MMP26: variants seen among roughly 807,000 people sequenced by gnomAD.
MMP26 encodes matrix metallopeptidase 26.
A neutral mutation model predicts 31.0 loss-of-function variants in MMP26; 33 were observed. The ratio of observed to expected loss-of-function variants is 1.06; its 90% CI spans 0.81 to 1.42. The LOEUF (loss-of-function observed/expected upper bound fraction) is 1.42, where lower values mean the gene tolerates loss of function less well. Among genes scored for constraint, MMP26 ranks in the 40% most tolerant of loss-of-function variants. The pLI, the probability that MMP26 is intolerant of heterozygous loss-of-function variation, is 0.00. For synonymous variants in MMP26, 122 were observed against 114.9 expected (o/e 1.06, Z -0.40); for missense variants, 347 against 316.1 (o/e 1.10, Z -0.74).
At chr11:4,816,612 A>AAAT (rs758264246) in intron 2 of MMP26, among the ~76,000 whole-genome samples, 25 of 150,058 alleles carry the variant, frequency 1.7e-4, no homozygotes, top group Non-Finnish European at 2.8e-4. Context: ...CTATGGTCCA[A>AAAT]AACAAAAAAA....
intron 1 of MMP26, among the ~76,000 whole-genome samples, chr11:4,748,009 G>C (rs186176203): frequency 6.6e-6 from 1 of 151,958 alleles, no homozygotes; most frequent in Admixed American, 6.6e-5. Context: ...AAAATTAAAA[G>C]GTGGTTCTTT....
At chr11:4,868,013 C>T (rs989596386) in intron 2 of MMP26, among the ~76,000 whole-genome samples, 15 of 152,076 alleles carry the variant, frequency 9.9e-5, no homozygotes, top group Non-Finnish European at 2.9e-5. Flanking sequence ...TACTGATAGA[C>T]TGGATAAAGA....
At chr11:4,968,877 T>C (rs775473354) in intron 2 of MMP26, among the ~76,000 whole-genome samples, 1 of 152,150 alleles carries the variant, frequency 6.6e-6, no homozygotes, top group Non-Finnish European at 1.5e-5. Flanking sequence ...CATTCAGGAA[T>C]ACCCAGTCAT....
In MMP26 at chr11:4,763,845, T is replaced by C. The variant is rs148211952; in HGVS notation, c.-216-3425T>C. ...CACAGATTAATAATTATTAGTTATC[T>C]TAAAGTTTAATAGTATGTAGCACTA... is the stretch of plus-strand genomic sequence containing the variant. On this transcript the variant is annotated intron_variant, in intron 1 of 7. Coordinates refer to ENST00000380390, the MANE Select transcript of MMP26 (RefSeq NM_021801.5). Among the ~76,000 whole-genome samples, 12 of 152,312 alleles carry C rather than the reference T, an allele frequency of 7.9e-5. No individual in the cohort carries two copies. In the East Asian group the frequency reaches 2.3e-3, roughly 29 times the overall value.
At chr11:4,822,481 C>T (rs1013048742) in intron 2 of MMP26, 20 of 1,054,558 alleles carry the variant, frequency 1.9e-5, no homozygotes, top group Non-Finnish European at 2.4e-5. Context: ...CCAAACTAAG[C>T]AATTTATAGG....
At chr11:4,895,898 C>T (rs978869235) in intron 2 of MMP26, among the ~76,000 whole-genome samples, 3 of 152,184 alleles carry the variant, frequency 2.0e-5, no homozygotes, top group African/African-American at 7.2e-5. Context: ...GGCTGAGTGA[C>T]ACAGTGAGAC....
At chr11:4,876,324 G>A (rs1424934314) in intron 2 of MMP26, 1 of 152,024 alleles carries the variant, frequency 6.6e-6, no homozygotes, top group Non-Finnish European at 1.5e-5. Flanking sequence ...TTTTTTGTTT[G>A]TTTCTCTTTC....
At chr11:4,977,974 T>C (rs1346531412) in intron 2 of MMP26, among the ~76,000 whole-genome samples, 1 of 151,988 alleles carries the variant, frequency 6.6e-6, no homozygotes, top group Non-Finnish European at 1.5e-5. Flanking sequence ...AAAGACCTGG[T>C]GGGAGGTGAC....
At chr11:4,859,931 C>A (rs994641712) in intron 2 of MMP26, 3 of 470,914 alleles carry the variant, frequency 6.4e-6, no homozygotes, top group African/African-American at 6.0e-5. Context: ...AGGAGAACAT[C>A]GAGCCCCAGT....
chr11:4,979,031 T>C lies in MMP26; in HGVS notation c.-144-9037T>C, dbSNP rs917079008. Among the ~76,000 whole-genome samples, 30 of 152,114 alleles carry C rather than the reference T, an allele frequency of 2.0e-4. 1 individual carries two copies. The highest frequency in any genetic ancestry group is 8.8e-5 in the Non-Finnish European group (6 of 67,986). Reference sequence around the variant, plus strand: ...TATATAGGAAAGAGTATATGACTTGTGAGTCCTGTCACAAAATATAGAATT... The same window carrying C: ...TATATAGGAAAGAGTATATGACTTGCGAGTCCTGTCACAAAATATAGAATT... On this transcript the variant is annotated intron_variant, in intron 2 of 7. Transcript: ENST00000380390.
chr11:4,746,485 A>G (rs958182549), intron 1 of MMP26, among the ~76,000 whole-genome samples: 3 of 152,200 alleles, frequency 2.0e-5, no homozygotes, highest in African/African-American at 7.2e-5. Context: ...CTCAATATCC[A>G]TCTCACTACT....
intron 2 of MMP26, among the ~76,000 whole-genome samples, chr11:4,901,515 G>T (rs1476262435): frequency 6.6e-6 from 1 of 151,894 alleles, no homozygotes; most frequent in Non-Finnish European, 1.5e-5. Context: ...CTTAGCATGG[G>T]CATACGTCTT....
At chr11:4,833,593 G>A (rs1849675424) in intron 2 of MMP26, among the ~76,000 whole-genome samples, 1 of 152,202 alleles carries the variant, frequency 6.6e-6, no homozygotes, top group South Asian at 2.1e-4. Flanking sequence ...CTAGAAAGTT[G>A]TTAAAATTGC....
intron 2 of MMP26, among the ~76,000 whole-genome samples, chr11:4,849,598 C>G (rs979962094): frequency 6.6e-6 from 1 of 152,146 alleles, no homozygotes; most frequent in African/African-American, 2.4e-5. Flanking sequence ...CAACCCCAGA[C>G]AGTCTGACTT....
At chr11:4,803,806 C>A (rs765100364) in intron 2 of MMP26, 1 of 1,613,044 alleles carries the variant, frequency 6.2e-7, no homozygotes, top group East Asian at 2.2e-5. Context: ...TGTATCAGCA[C>A]ACACCAACTT....
At chr11:4,793,725 C>T (rs1272828957) in intron 2 of MMP26, 2 of 152,040 alleles carry the variant, frequency 1.3e-5, no homozygotes, top group Non-Finnish European at 2.9e-5. Context: ...CGTCTTTGGT[C>T]CTTGATTAAC....
At chr11:4,719,875 A>G (rs1453092364) in intron 1 of MMP26, among the ~76,000 whole-genome samples, 3 of 152,256 alleles carry the variant, frequency 2.0e-5, no homozygotes, top group Non-Finnish European at 2.9e-5. Flanking sequence ...TTAAAAAAAT[A>G]GAAAAAGAGA....
rs541327865 is a variant in MMP26, at chr11:4,900,705, T to C, written c.-144-87363T>C. On this transcript the variant is annotated intron_variant, in intron 2 of 7. Coordinates refer to ENST00000380390, the MANE Select transcript of MMP26 (RefSeq NM_021801.5). ...CTTTTATATAAAGATCTTCAAACTTTGTTCTAACTTCTAGAACCATCCACA... is the reference window on the plus strand; with the variant it reads ...CTTTTATATAAAGATCTTCAAACTTCGTTCTAACTTCTAGAACCATCCACA... Among the ~76,000 whole-genome samples the C allele has an allele frequency of 2.6e-4, 39 of 152,326 alleles. No individual in the cohort carries two copies. The South Asian group carries it at 7.9e-3, about 31-fold the overall frequency.
At chr11:4,721,283 CA>C (rs1848008760) in intron 1 of MMP26, among the ~76,000 whole-genome samples, 1 of 152,176 alleles carries the variant, frequency 6.6e-6, no homozygotes, top group African/African-American at 2.4e-5. Context: ...TTAATAACAG[CA>C]GTAACTAATA....
Sources: gnomAD v4.1 joint callset for allele counts (sites outside exome capture counted in the v4.1 genomes callset) on GRCh38, gnomAD v4.1.1 for gene constraint, MANE v1.5 for transcripts, NCBI Gene and HGNC (gene_info 2026-07-23, HGNC 2026-07-21) for gene names.